Variants in BCAS3 observed in about 807,000 individuals in gnomAD.
BCAS3 encodes BCAS3 microtubule associated cell migration factor, also known as BCAS4/BCAS3 fusion.
Under a neutral mutation model 116.1 loss-of-function variants are expected in BCAS3, and 53 were observed. That is an observed-to-expected ratio of 0.46 (90% CI 0.37 to 0.57). The LOEUF (loss-of-function observed/expected upper bound fraction) is 0.57, where lower values mean the gene tolerates loss of function less well. Among genes scored for constraint, BCAS3 ranks in the 20% least tolerant of loss-of-function variants. BCAS3 has a pLI of 0.00. For missense variants in BCAS3, 917 were observed against 1,165.4 expected, an observed-to-expected ratio of 0.79 and a Z score of 3.10; for synonymous variants, 391 against 408.2, an observed-to-expected ratio of 0.96 and a Z score of 0.51.
At chr17:60,724,512 G>C (rs188455903) in intron 5 of BCAS3, among the ~76,000 whole-genome samples, 4 of 151,576 alleles carry the variant, frequency 2.6e-5, no homozygotes, top group African/African-American at 9.7e-5. Flanking sequence ...ATCACCTGAG[G>C]TCAGGAGTTC....
At chr17:61,231,226 G>C (rs575786771) in intron 22 of BCAS3, among the ~76,000 whole-genome samples, 91 of 151,996 alleles carry the variant, frequency 6.0e-4, no homozygotes, top group Middle Eastern at 6.8e-3. Context: ...GTTGCTTGTA[G>C]GTCTTGTTTT....
In BCAS3 at chr17:61,256,414, C is replaced by CT. The variant is rs1383627884; in HGVS notation, c.2426-111912dup. ...CGCCTCTGGGGTTCAAGTGATTCTC[C>CT]TGTCTCAGCCTCCTGAGTAGCTGGG... is the stretch of plus-strand genomic sequence containing the variant. On this transcript the variant is annotated intron_variant, in intron 22 of 23. Transcript: ENST00000407086. The surrounding 1 kb of genome is among the most constrained non-coding windows in gnomAD (Gnocchi z 5.6). Among the ~76,000 whole-genome samples, 1 of 152,154 alleles carries CT rather than the reference C, an allele frequency of 6.6e-6. No individual in the cohort carries two copies. Among genetic ancestry groups the CT allele is most frequent in the African/African-American group, 2.4e-5 (1 of 41,428 alleles).
intron 22 of BCAS3, among the ~76,000 whole-genome samples, chr17:61,321,244 T>C (rs2055188655): frequency 6.6e-6 from 1 of 152,204 alleles, no homozygotes; most frequent in Admixed American, 6.5e-5. Context: ...TCTGAATAGA[T>C]ATGGCATGAA....
intron 22 of BCAS3, among the ~76,000 whole-genome samples, chr17:61,164,524 A>T (rs1412108028): frequency 1.3e-5 from 2 of 152,094 alleles, no homozygotes; most frequent in Non-Finnish European, 2.9e-5. Flanking sequence ...TGAGGGTTCC[A>T]CCCCCATGAA....
chr17:61,007,204 A>G lies in BCAS3; in HGVS notation c.1487-8547A>G, dbSNP rs2064777382. Among the ~76,000 whole-genome samples the G allele has an allele frequency of 3.3e-5, 5 of 151,980 alleles. No homozygotes were observed. Among genetic ancestry groups the G allele is most frequent in the Admixed American group, 3.3e-4 (5 of 15,242 alleles). On this transcript the variant is annotated intron_variant, in intron 15 of 23. Coordinates refer to ENST00000407086, the MANE Select transcript of BCAS3 (RefSeq NM_017679.5). This position sits in a 1 kb window ranked among gnomAD's most constrained non-coding sequence, Gnocchi z 4.3. ...ATTATTTTTCCCTTTGTGTTCTTGCATTTTATAAACATTGTTTCTAACTGT... is the reference window on the plus strand; with the variant it reads ...ATTATTTTTCCCTTTGTGTTCTTGCGTTTTATAAACATTGTTTCTAACTGT...
chr17:60,978,124 TAA>T (rs1600169305), intron 14 of BCAS3, among the ~76,000 whole-genome samples: 1 of 122,472 alleles, frequency 8.2e-6, no homozygotes, highest in East Asian at 2.2e-4. Context: ...ACCAACAGTG[TAA>T]AAGTGTTCCT....
At chr17:61,289,460 G>A (rs945296001) in intron 22 of BCAS3, among the ~76,000 whole-genome samples, 1 of 152,220 alleles carries the variant, frequency 6.6e-6, no homozygotes, top group African/African-American at 2.4e-5. Flanking sequence ...TGGCTTTAAT[G>A]GGTATGCTGT....
Position 60,902,631 on chromosome 17 carries a change from T to C in BCAS3, c.750T>C (p.Cys250=). 6.2e-7 allele frequency: 1 copy of C among 1,610,470 alleles called. No homozygotes were observed. Among genetic ancestry groups the C allele is most frequent in the Non-Finnish European group, 8.5e-7 (1 of 1,176,720 alleles). ...LAYAENKLIR[C]HQSRGGACGD... Reference sequence around the variant, plus strand: ...TCTCTTTTTCTCAGTTGATTCGATGTCATCAGTCCCGTGGTGGAGCCTGTG... The same window carrying C: ...TCTCTTTTTCTCAGTTGATTCGATGCCATCAGTCCCGTGGTGGAGCCTGTG... Residue 250 remains cysteine, a synonymous_variant, in exon 11 of 24, where the codon TGT becomes TGC. Transcript: ENST00000407086.
Position 61,386,267 on chromosome 17 carries a change from C to A in BCAS3, c.2594-5710C>A, listed in dbSNP as rs112168922. Among the ~76,000 whole-genome samples, 17 of 152,334 alleles carry A rather than the reference C, an allele frequency of 1.1e-4. 1 individual carries two copies. The highest frequency in any genetic ancestry group is 4.1e-4 in the African/African-American group (17 of 41,570). On this transcript the variant is annotated intron_variant, in intron 23 of 23. Transcript: ENST00000407086. ...TTAACCACTTCCCTAAACGCCTCCA[C>A]CAACATGGGCAGACACTGCCCCTCT...
rs2067466070 is a variant in BCAS3, at chr17:61,041,042, A to G, written c.2029+150A>G. 1.6e-6 allele frequency: 1 copy of G among 612,572 alleles called. No homozygotes were observed. Among genetic ancestry groups the G allele is most frequent in the Non-Finnish European group, 2.9e-6 (1 of 350,352 alleles). 37.9% of individuals were successfully genotyped at this position (612,572 alleles called of 1,614,324 possible). On this transcript the variant is annotated intron_variant, in intron 19 of 23. Transcript: ENST00000407086. The surrounding 1 kb of genome is among the most constrained non-coding windows in gnomAD (Gnocchi z 4.7). ...GGCAAATAAGATATTTAATATGAAT[A>G]TAAACTGTAAGCCTTAGTATACATT...
chr17:61,342,334 G>A (rs1186579256), intron 22 of BCAS3, among the ~76,000 whole-genome samples: 2 of 152,186 alleles, frequency 1.3e-5, no homozygotes, highest in Admixed American at 6.5e-5. Context: ...CTTGGCCAAC[G>A]TGCTTATGAA....
rs2061464012 is a variant in BCAS3 at position 60,962,556 on chromosome 17, G to T, written c.1221+15204G>T. 6.6e-6 allele frequency among the ~76,000 whole-genome samples: 1 copy of T among 151,970 alleles called. No homozygotes were observed. Among genetic ancestry groups the T allele is most frequent in the Non-Finnish European group, 1.5e-5 (1 of 67,970 alleles). ...TATTTTTTCTTTTGTTTCTAATGGG[G>T]TTGGATTTTGCCCATTTTAAAATTG... On this transcript the variant is annotated intron_variant, in intron 14 of 23. Transcript: ENST00000407086. The surrounding 1 kb of genome is among the most constrained non-coding windows in gnomAD (Gnocchi z 4.4).
chr17:60,936,277 G>C (rs2059921037), intron 13 of BCAS3, among the ~76,000 whole-genome samples: 1 of 148,702 alleles, frequency 6.7e-6, no homozygotes, highest in African/African-American at 2.6e-5. Context: ...ATTTGGGTTG[G>C]TTCCAAGTCT....
intron 22 of BCAS3, among the ~76,000 whole-genome samples, chr17:61,360,140 A>G (rs2058377297): frequency 6.6e-6 from 1 of 151,704 alleles, no homozygotes; most frequent in South Asian, 2.1e-4. Flanking sequence ...AGTAGCTGGG[A>G]CTACAGATGC....
At chr17:60,860,310 G>T (rs2144849875) in intron 7 of BCAS3, among the ~76,000 whole-genome samples, 1 of 152,306 alleles carries the variant, frequency 6.6e-6, no homozygotes, top group African/African-American at 2.4e-5. Context: ...ATTGAGAAGT[G>T]TCTGTTCACG....
In BCAS3 at chr17:61,144,759, T is replaced by G. The variant is rs2077105481; in HGVS notation, c.2425+60195T>G. ...AGCTCTCAGAATTGTTTTTACGGGT[T>G]GCTGAGGAAGCTAAAGGTCAAAGAT... On this transcript the variant is annotated intron_variant, in intron 22 of 23. Transcript: ENST00000407086. This position sits in a 1 kb window ranked among gnomAD's most constrained non-coding sequence, Gnocchi z 5.0. Among the ~76,000 whole-genome samples the G allele has an allele frequency of 6.6e-6, 1 of 152,236 alleles. No homozygotes were observed. The highest frequency in any genetic ancestry group is 2.4e-5 in the African/African-American group (1 of 41,460).
intron 6 of BCAS3, among the ~76,000 whole-genome samples, chr17:60,800,168 T>C (rs768186712): frequency 1.3e-5 from 2 of 152,218 alleles, no homozygotes; most frequent in Non-Finnish European, 2.9e-5. Flanking sequence ...ATTTTGGTAA[T>C]TACCAAGGAG....
intron 6 of BCAS3, among the ~76,000 whole-genome samples, chr17:60,768,493 G>T (rs751747568): frequency 7.2e-5 from 11 of 152,170 alleles, no homozygotes; most frequent in Admixed American, 1.3e-4. Flanking sequence ...CGGACTCCAG[G>T]TTCTTCAGTT....
At chr17:60,784,843 C>T (rs1395449112) in intron 6 of BCAS3, among the ~76,000 whole-genome samples, 2 of 151,966 alleles carry the variant, frequency 1.3e-5, no homozygotes, top group Non-Finnish European at 2.9e-5. Flanking sequence ...CGCCTGTAAT[C>T]CCAGTACTTT....
Sources: gnomAD v4.1 joint callset for allele counts (sites outside exome capture counted in the v4.1 genomes callset) on GRCh38, gnomAD v4.1.1 for gene constraint, Gnocchi (gnomAD v3.1) non-coding constraint, MANE v1.5 for transcripts, NCBI Gene and HGNC (gene_info 2026-07-23, HGNC 2026-07-21) for gene names.